CCDC102B: variants seen among roughly 807,000 people sequenced by gnomAD.
The protein encoded by CCDC102B is coiled-coil domain-containing protein 102B.
CCDC102B carries 75 observed loss-of-function variants against 57.4 expected under a neutral mutation model. The ratio of observed to expected loss-of-function variants is 1.31; its 90% CI spans 1.08 to 1.58. CCDC102B has a LOEUF of 1.58. Among genes scored for constraint, CCDC102B ranks in the 40% most tolerant of loss-of-function variants. The pLI is 0.00. For synonymous variants in CCDC102B, 206 were observed against 201.9 expected, an observed-to-expected ratio of 1.02 and a Z score of -0.17; for missense variants, 636 against 582.6, an observed-to-expected ratio of 1.09 and a Z score of -0.94.
intron 4 of CCDC102B, among the ~76,000 whole-genome samples, chr18:68,872,014 G>A (rs566722740): frequency 6.6e-6 from 1 of 152,184 alleles, no homozygotes; most frequent in African/African-American, 2.4e-5. Flanking sequence ...ACTATGTATT[G>A]TGAAGGGCAA....
Position 69,044,654 on chromosome 18 carries a change from A to G in CCDC102B, c.1435-9376A>G, listed in dbSNP as rs539407960. 1.6e-4 allele frequency among the ~76,000 whole-genome samples: 24 copies of G among 152,288 alleles called. 1 individual carries two copies. The South Asian group carries it at 5.0e-3, about 32-fold the overall frequency. ...CCTCCGCTGTGTGAGATAGTTTAAC[A>G]TTATTATTTCCTTTTTAAAATGAGG... On this transcript the variant is annotated intron_variant, in intron 7 of 7. Coordinates refer to ENST00000360242, the MANE Select transcript of CCDC102B (RefSeq NM_024781.3).
intron 6 of CCDC102B, among the ~76,000 whole-genome samples, chr18:68,912,613 T>G (rs1053957400): frequency 6.6e-6 from 1 of 152,220 alleles, no homozygotes; most frequent in Non-Finnish European, 1.5e-5. Context: ...GAGGATAGTA[T>G]ATACGTTTTT....
intron 6 of CCDC102B, among the ~76,000 whole-genome samples, chr18:68,956,572 T>A (rs1412300469): frequency 1.1e-3 from 6 of 5,534 alleles, no homozygotes; most frequent in South Asian, 5.3e-3. Context: ...ATTATATATT[T>A]TATATATATA....
chr18:68,966,008 G>A (rs2050157275), intron 6 of CCDC102B, among the ~76,000 whole-genome samples: 1 of 152,100 alleles, frequency 6.6e-6, no homozygotes, highest in African/African-American at 2.4e-5. Flanking sequence ...TAGGCTTCTT[G>A]TAATGCAATC....
rs553031774 is a variant in CCDC102B at position 68,921,513 on chromosome 18, A to G, written c.1263+24085A>G. ...GCTAATCAGTTAACATCGCATATATAGATTACCCTACATTATCTCCATGGG... is the reference window on the plus strand; with the variant it reads ...GCTAATCAGTTAACATCGCATATATGGATTACCCTACATTATCTCCATGGG... On this transcript the variant is annotated intron_variant, in intron 6 of 7. Transcript: ENST00000360242. 3.3e-5 allele frequency among the ~76,000 whole-genome samples: 5 copies of G among 152,336 alleles called. No homozygotes were observed. In the South Asian group the frequency reaches 8.3e-4, roughly 25 times the overall value.
At chr18:69,002,603 G>A (rs1180621525) in intron 6 of CCDC102B, among the ~76,000 whole-genome samples, 3 of 152,052 alleles carry the variant, frequency 2.0e-5, no homozygotes, top group African/African-American at 7.2e-5. Flanking sequence ...CATTTTCTTG[G>A]TTTTTGCTTG....
chr18:68,954,757 AT>A lies in CCDC102B; in HGVS notation c.1264-56175del, dbSNP rs1185440998. On this transcript the variant is annotated intron_variant, in intron 6 of 7. Coordinates refer to ENST00000360242, the MANE Select transcript of CCDC102B (RefSeq NM_024781.3). ...CATTATTTCAATCTATTTACATGGC[AT>A]TAAAATGCTCAAGTGATTTTCATTG... Among the ~76,000 whole-genome samples the A allele has an allele frequency of 9.2e-5, 14 of 152,314 alleles. No individual in the cohort carries two copies. The East Asian group carries it at 2.7e-3, about 29-fold the overall frequency.
At chr18:69,007,248 T>TA (rs1168803732) in intron 6 of CCDC102B, among the ~76,000 whole-genome samples, 1 of 152,140 alleles carries the variant, frequency 6.6e-6, no homozygotes, top group Non-Finnish European at 1.5e-5. Context: ...TGAACACAGT[T>TA]AGAGTATGTT....
chr18:68,772,222 G>A (rs959139188), intron 2 of CCDC102B, among the ~76,000 whole-genome samples: 1 of 151,966 alleles, frequency 6.6e-6, no homozygotes, highest in South Asian at 2.1e-4. Context: ...ATCTAGTATC[G>A]TTTAACACAA....
intron 2 of CCDC102B, among the ~76,000 whole-genome samples, chr18:68,733,038 C>T (rs569415854): frequency 1.3e-5 from 2 of 152,066 alleles, no homozygotes; most frequent in East Asian, 1.9e-4. Context: ...AAGGCTAGAG[C>T]GACTCAGAGA....
At chr18:68,838,330 A>G in intron 2 of CCDC102B, 2 of 795,736 alleles carry the variant, frequency 2.5e-6, no homozygotes, top group Non-Finnish European at 3.0e-6. Flanking sequence ...TTAAAAAATG[A>G]TTGCTTTGAA....
chr18:69,034,187 A>C (rs1000461292), intron 7 of CCDC102B, among the ~76,000 whole-genome samples: 7 of 151,884 alleles, frequency 4.6e-5, no homozygotes, highest in Non-Finnish European at 8.8e-5. Context: ...TGATAGAGTT[A>C]TTTGAAGCTT....
intron 6 of CCDC102B, among the ~76,000 whole-genome samples, chr18:68,956,468 T>TATGTAA (rs1568352439): frequency 2.0e-5 from 1 of 49,590 alleles, no homozygotes; most frequent in East Asian, 6.0e-4. Context: ...ATTTTATATA[T>TATGTAA]ATATTATATA....
At chr18:68,794,972 T>C (rs193093209), upstream of CCDC102B, among the ~76,000 whole-genome samples, 4 of 148,416 alleles carry the variant, frequency 2.7e-5, no homozygotes, top group East Asian at 7.9e-4. Context: ...AGTAAGACAG[T>C]GCCCTCCATA....
At chr18:68,924,229 C>T (rs983035243) in intron 6 of CCDC102B, among the ~76,000 whole-genome samples, 4 of 151,816 alleles carry the variant, frequency 2.6e-5, no homozygotes, top group African/African-American at 9.7e-5. Flanking sequence ...ACCCACATCT[C>T]ATCTTAAATT....
At chr18:68,963,751 T>A (rs2050102397) in intron 6 of CCDC102B, among the ~76,000 whole-genome samples, 1 of 151,898 alleles carries the variant, frequency 6.6e-6, no homozygotes, top group Non-Finnish European at 1.5e-5. Flanking sequence ...GTGACTAAAA[T>A]TTTGTATCCA....
chr18:68,819,047 A>G (rs532990135), intron 1 of CCDC102B, among the ~76,000 whole-genome samples: 340 of 152,226 alleles, frequency 2.2e-3, no homozygotes, highest in African/African-American at 7.9e-3. Context: ...TCTTCACGCT[A>G]TTATTTGCCT....
Position 68,759,777 on chromosome 18 carries a change from G to A in CCDC102B, c.-67+43183G>A, listed in dbSNP as rs529223918. On this transcript the variant is annotated intron_variant, in intron 2 of 3. Coordinates refer to the CCDC102B transcript ENST00000578970. ...AATACTCAAGATTTAGGGAAGTCTC[G>A]GATGGCAGCTGGATTGTAGACCTAC... is the stretch of plus-strand genomic sequence containing the variant. Among the ~76,000 whole-genome samples, 28 of 152,100 alleles carry A rather than the reference G, an allele frequency of 1.8e-4. No homozygotes were observed. The East Asian group carries it at 2.7e-3, about 15-fold the overall frequency.
chr18:68,856,140 C>A (rs1452113092), intron 4 of CCDC102B, among the ~76,000 whole-genome samples: 1 of 151,828 alleles, frequency 6.6e-6, no homozygotes, highest in African/African-American at 2.4e-5. Context: ...TAAAATATAC[C>A]CAAACATGAA....
Sources: allele counts gnomAD v4.1 joint callset (sites outside exome capture counted in the v4.1 genomes callset), GRCh38; gene constraint gnomAD v4.1.1; transcripts MANE v1.5; gene names NCBI Gene and HGNC (gene_info 2026-07-23, HGNC 2026-07-21).